The following SNTG1 variants were observed in gnomAD, a reference collection of about 807,000 sequenced individuals.
The protein encoded by SNTG1 is syntrophin gamma 1, also known as gamma-1-syntrophin.
SNTG1 carries 39 observed loss-of-function variants against 74.7 expected under a neutral mutation model. The observed-to-expected ratio is 0.52, with a 90% CI of 0.40 to 0.68. SNTG1 has a LOEUF of 0.68. Ranked by LOEUF, SNTG1 falls within the 30% of genes least tolerant of loss-of-function variation. SNTG1 has a pLI of 0.00. For missense variants in SNTG1, 685 were observed against 609.5 expected (o/e 1.12, Z -1.30); for synonymous variants, 254 against 217.1 (o/e 1.17, Z -1.49).
rs75714669 is a variant in SNTG1, at chr8:50,400,629, G to T, written c.28-1581G>T. 6.2e-3 allele frequency among the ~76,000 whole-genome samples: 938 copies of T among 152,088 alleles called. 11 individuals carry two copies. Among genetic ancestry groups the T allele is most frequent in the South Asian group, 0.052 (250 of 4,822 alleles). ...TACATTTCCACTAACAGTGTGTAAGGGTTCACTTTTCTCCACATCTTCACC... is the reference window on the plus strand; with the variant it reads ...TACATTTCCACTAACAGTGTGTAAGTGTTCACTTTTCTCCACATCTTCACC... On this transcript the variant is annotated intron_variant, in intron 3 of 18. Coordinates refer to ENST00000642720, the MANE Select transcript of SNTG1 (RefSeq NM_018967.5).
intron 13 of SNTG1, among the ~76,000 whole-genome samples, chr8:50,631,432 A>T (rs1276645402): frequency 6.6e-6 from 1 of 152,176 alleles, no homozygotes; most frequent in Admixed American, 6.6e-5. Context: ...ACCAGAACCC[A>T]TTTTGTGTGC....
chr8:50,392,737 A>C (rs2092678867), intron 2 of SNTG1, among the ~76,000 whole-genome samples: 1 of 152,216 alleles, frequency 6.6e-6, no homozygotes, highest in Admixed American at 6.5e-5. Flanking sequence ...AGAAGATTAG[A>C]ATTGAAAAAA....
At chr8:50,268,579 G>A (rs2087601781) in intron 2 of SNTG1, among the ~76,000 whole-genome samples, 2 of 151,934 alleles carry the variant, frequency 1.3e-5, no homozygotes, top group Non-Finnish European at 1.5e-5. Flanking sequence ...ACTGGAGGAG[G>A]GAGAGATACA....
chr8:49,995,075 G>A (rs1814078989), intron 1 of SNTG1, among the ~76,000 whole-genome samples: 1 of 152,168 alleles, frequency 6.6e-6, no homozygotes, highest in Non-Finnish European at 1.5e-5. Context: ...TCGAGAGATT[G>A]TGAAAGACTA....
chr8:50,693,590 T>G (rs1038228735), intron 15 of SNTG1, among the ~76,000 whole-genome samples: 1 of 152,184 alleles, frequency 6.6e-6, no homozygotes, highest in Non-Finnish European at 1.5e-5. Flanking sequence ...ATACTGGATT[T>G]GAACAATGCG....
chr8:50,250,373 A>G (rs904807088), intron 2 of SNTG1, among the ~76,000 whole-genome samples: 3 of 152,130 alleles, frequency 2.0e-5, no homozygotes, highest in Non-Finnish European at 4.4e-5. Context: ...AGTGCCACAG[A>G]AAAAGAAAAT....
At chr8:50,264,001 T>C (rs1261076000) in intron 2 of SNTG1, among the ~76,000 whole-genome samples, 1 of 152,148 alleles carries the variant, frequency 6.6e-6, no homozygotes, top group Non-Finnish European at 1.5e-5. Context: ...ATGCAATGGA[T>C]GAAAAGCAGA....
intron 2 of SNTG1, among the ~76,000 whole-genome samples, chr8:50,176,693 T>C (rs1284287232): frequency 6.6e-6 from 1 of 152,234 alleles, no homozygotes; most frequent in African/African-American, 2.4e-5. Flanking sequence ...TTAACTGGTG[T>C]ACCACAATGT....
At chr8:50,678,243 C>CTCTA (rs2095317025) in intron 15 of SNTG1, among the ~76,000 whole-genome samples, 1 of 151,976 alleles carries the variant, frequency 6.6e-6, no homozygotes, top group Non-Finnish European at 1.5e-5. Flanking sequence ...ATCAAACATT[C>CTCTA]TCTACCTCCT....
chr8:49,983,030 C>A (rs561332071), intron 1 of SNTG1, among the ~76,000 whole-genome samples: 3 of 152,146 alleles, frequency 2.0e-5, no homozygotes, highest in Admixed American at 1.3e-4. Flanking sequence ...ACCAATGAAC[C>A]TTTATAAATG....
chr8:50,207,265 G>A (rs931619117), intron 2 of SNTG1, among the ~76,000 whole-genome samples: 2 of 152,014 alleles, frequency 1.3e-5, no homozygotes, highest in African/African-American at 2.4e-5. Flanking sequence ...GTCTATTCAT[G>A]GATTCAACTT....
intron 18 of SNTG1, among the ~76,000 whole-genome samples, chr8:50,774,866 G>T (rs985817023): frequency 6.6e-6 from 1 of 151,346 alleles, no homozygotes; most frequent in Admixed American, 6.6e-5. Flanking sequence ...TATTGACGTT[G>T]TCATTGTTCT....
At chr8:50,445,745 C>A (rs1277604413) in intron 5 of SNTG1, among the ~76,000 whole-genome samples, 2 of 152,166 alleles carry the variant, frequency 1.3e-5, no homozygotes, top group Non-Finnish European at 2.9e-5. Flanking sequence ...CTCTAAACCA[C>A]AGTCATGAGC....
intron 1 of SNTG1, among the ~76,000 whole-genome samples, chr8:50,158,045 A>T (rs1281408962): frequency 1.3e-5 from 2 of 152,244 alleles, no homozygotes; most frequent in South Asian, 2.1e-4. Flanking sequence ...TCACTCTCCC[A>T]AGTGACATTG....
chr8:50,667,034 A>G (rs1159536960), intron 15 of SNTG1, among the ~76,000 whole-genome samples: 1 of 151,946 alleles, frequency 6.6e-6, no homozygotes. Context: ...TATGTTTCTT[A>G]TAATATGGTT....
intron 11 of SNTG1, among the ~76,000 whole-genome samples, chr8:50,537,398 T>C (rs1585612580): frequency 6.6e-6 from 1 of 152,344 alleles, no homozygotes; most frequent in South Asian, 2.1e-4. Flanking sequence ...AGCAGCATAG[T>C]TGGTCTAAAT....
chr8:50,547,895 G>A (rs1994031), intron 11 of SNTG1, among the ~76,000 whole-genome samples: 33,788 of 152,074 alleles, frequency 0.22, 4,943 homozygotes, highest in African/African-American at 0.42. Context: ...AAATGCCTTC[G>A]AGATGGCAGG....
At chr8:49,971,866 G>A (rs1452012103) in intron 1 of SNTG1, among the ~76,000 whole-genome samples, 2 of 152,072 alleles carry the variant, frequency 1.3e-5, no homozygotes, top group Non-Finnish European at 2.9e-5. Context: ...AAATAAAAGA[G>A]GATACAAAGA....
intron 18 of SNTG1, among the ~76,000 whole-genome samples, chr8:50,790,958 T>A (rs1306149090): frequency 2.0e-5 from 3 of 151,958 alleles, no homozygotes; most frequent in Non-Finnish European, 4.4e-5. Flanking sequence ...TTTCACCCAA[T>A]TGTAACACTC....
Sources: gnomAD v4.1 joint callset for allele counts (sites outside exome capture counted in the v4.1 genomes callset) on GRCh38, gnomAD v4.1.1 for gene constraint, MANE v1.5 for transcripts, NCBI Gene and HGNC (gene_info 2026-07-23, HGNC 2026-07-21) for gene names.